LPAR1: variants seen among roughly 807,000 people sequenced by gnomAD.
LPAR1 encodes lysophosphatidic acid receptor 1, also known as LPA receptor 1.
Under a neutral mutation model 23.8 loss-of-function variants are expected in LPAR1, and 5 were observed. That is an observed-to-expected ratio of 0.21 (90% CI 0.11 to 0.44). LPAR1 has a LOEUF of 0.44. Among genes scored for constraint, LPAR1 ranks in the 20% least tolerant of loss-of-function variants. The pLI, the probability that LPAR1 is intolerant of heterozygous loss-of-function variation, is 0.99. For synonymous variants in LPAR1, 160 were observed against 164.7 expected, an observed-to-expected ratio of 0.97 and a Z score of 0.22; for missense variants, 311 against 482.8, an observed-to-expected ratio of 0.64 and a Z score of 3.33.
chr9:110,935,524 C>T (rs1028668103), intron 5 of LPAR1, among the ~76,000 whole-genome samples: 1 of 152,050 alleles, frequency 6.6e-6, no homozygotes, highest in Non-Finnish European at 1.5e-5. Flanking sequence ...CATGGTGGCT[C>T]ACACCTGAAA....
At chr9:110,967,617 T>C (rs540254605) in intron 4 of LPAR1, among the ~76,000 whole-genome samples, 3 of 152,342 alleles carry the variant, frequency 2.0e-5, no homozygotes, top group Admixed American at 1.3e-4. Flanking sequence ...AGAAAGCAAG[T>C]TGATGTGCCA....
At chr9:111,012,222 G>A (rs2097344382) in intron 2 of LPAR1, among the ~76,000 whole-genome samples, 1 of 152,070 alleles carries the variant, frequency 6.6e-6, no homozygotes, top group Non-Finnish European at 1.5e-5. Flanking sequence ...CTGCACTCCA[G>A]CCTGGACAAT....
upstream of LPAR1, chr9:111,038,581 C>T (rs1432145127): frequency 1.1e-5 from 5 of 451,918 alleles, no homozygotes; most frequent in Admixed American, 2.4e-5. The surrounding 1 kb of genome is among the most constrained non-coding windows in gnomAD (Gnocchi z 4.4). Context: ...CTGCTTGTTC[C>T]ACGTAGCACA....
intron 5 of LPAR1, among the ~76,000 whole-genome samples, chr9:110,886,230 G>A (rs2082341954): frequency 1.3e-5 from 2 of 148,752 alleles, no homozygotes; most frequent in African/African-American, 2.5e-5. Flanking sequence ...TGGGCGTGGT[G>A]ACACATGCCT....
chr9:110,884,234 C>T (rs778907603), intron 5 of LPAR1, among the ~76,000 whole-genome samples: 28 of 152,112 alleles, frequency 1.8e-4, no homozygotes, highest in African/African-American at 4.3e-4. Flanking sequence ...GGCCTTTGTA[C>T]GTGTTTGCTC....
intron 5 of LPAR1, among the ~76,000 whole-genome samples, chr9:110,917,159 G>A (rs577715367): frequency 6.8e-6 from 1 of 146,928 alleles, no homozygotes; most frequent in Non-Finnish European, 1.5e-5. Context: ...CTAACAAAGT[G>A]CAACCTCGTC....
At chr9:110,879,778 C>A (rs1440120260) in intron 5 of LPAR1, among the ~76,000 whole-genome samples, 1 of 152,140 alleles carries the variant, frequency 6.6e-6, no homozygotes, top group Non-Finnish European at 1.5e-5. Context: ...AAGCCAGAAT[C>A]AGGACAGCAG....
chr9:110,989,264 CT>C (rs1353460633), intron 2 of LPAR1, among the ~76,000 whole-genome samples: 1 of 152,164 alleles, frequency 6.6e-6, no homozygotes, highest in African/African-American at 2.4e-5. Flanking sequence ...GTTGCCCAGG[CT>C]GGCCTTAAAC....
At chr9:110,951,796 C>T (rs961206929) in intron 4 of LPAR1, among the ~76,000 whole-genome samples, 2 of 151,794 alleles carry the variant, frequency 1.3e-5, no homozygotes, top group African/African-American at 4.8e-5. Context: ...ATGTGCCTAA[C>T]GAGAGACACA....
chr9:110,990,237 T>C (rs913641279), intron 2 of LPAR1, among the ~76,000 whole-genome samples: 3 of 152,106 alleles, frequency 2.0e-5, no homozygotes, highest in Admixed American at 2.0e-4. Flanking sequence ...ACAATACAAG[T>C]AGTCAACTTG....
At chr9:110,913,484 G>A (rs1196643475) in intron 5 of LPAR1, among the ~76,000 whole-genome samples, 1 of 149,900 alleles carries the variant, frequency 6.7e-6, no homozygotes, top group East Asian at 1.9e-4. Flanking sequence ...TTTTGCAAAA[G>A]TATTGATGAA....
chr9:111,023,053 CAAAA>C (rs35394780), intron 2 of LPAR1, among the ~76,000 whole-genome samples: 1 of 56,718 alleles, frequency 1.8e-5, no homozygotes. Flanking sequence ...TCCGTCTCAA[CAAAA>C]AAAAAAAAAA....
intron 5 of LPAR1, among the ~76,000 whole-genome samples, chr9:110,909,296 G>A (rs537464715): frequency 1.4e-4 from 21 of 147,856 alleles, no homozygotes; most frequent in African/African-American, 4.5e-4. Flanking sequence ...ACCAAACCCC[G>A]GGTGTTTCAG....
At chr9:110,984,463 T>C (rs1003670689) in intron 2 of LPAR1, among the ~76,000 whole-genome samples, 2 of 152,120 alleles carry the variant, frequency 1.3e-5, no homozygotes, top group African/African-American at 4.8e-5. Flanking sequence ...ACATTTTCTT[T>C]ATCCATTTTT....
intron 5 of LPAR1, among the ~76,000 whole-genome samples, chr9:110,901,245 C>T (rs995892390): frequency 5.1e-4 from 78 of 152,094 alleles, no homozygotes; most frequent in African/African-American, 1.9e-3. Context: ...GAAGTCGTGG[C>T]CTAAAGATAG....
chr9:110,948,351 A>G (rs1212929318), intron 4 of LPAR1, among the ~76,000 whole-genome samples: 1 of 152,198 alleles, frequency 6.6e-6, no homozygotes, highest in African/African-American at 2.4e-5. Context: ...ACTGATATCC[A>G]CTAAAAATGA....
chr9:111,001,524 C>T (rs1158359978), intron 2 of LPAR1, among the ~76,000 whole-genome samples: 1 of 152,116 alleles, frequency 6.6e-6, no homozygotes, highest in Non-Finnish European at 1.5e-5. Flanking sequence ...AAAAATGGTT[C>T]TAAGGCAAAA....
intron 2 of LPAR1, among the ~76,000 whole-genome samples, chr9:110,980,945 A>C (rs1229779031): frequency 6.6e-6 from 1 of 152,104 alleles, no homozygotes; most frequent in Non-Finnish European, 1.5e-5. Context: ...TTTAAAGATA[A>C]TATAGAGGAA....
chr9:110,950,840 A>G (rs1482447525), intron 4 of LPAR1, among the ~76,000 whole-genome samples: 1 of 152,242 alleles, frequency 6.6e-6, no homozygotes, highest in Non-Finnish European at 1.5e-5. Flanking sequence ...ACATGATAAA[A>G]TTAAAATCCC....
Sources: allele counts gnomAD v4.1 joint callset (sites outside exome capture counted in the v4.1 genomes callset), GRCh38; gene constraint gnomAD v4.1.1; non-coding constraint Gnocchi (gnomAD v3.1); transcripts MANE v1.5; gene names NCBI Gene and HGNC (gene_info 2026-07-23, HGNC 2026-07-21).